Variants in RABGAP1L observed in about 807,000 individuals in gnomAD.
RABGAP1L encodes the protein RAB GTPase activating protein 1 like.
A neutral mutation model predicts 137.7 loss-of-function variants in RABGAP1L; 63 were observed. The ratio of observed to expected loss-of-function variants is 0.46; its 90% CI spans 0.37 to 0.56. The LOEUF (loss-of-function observed/expected upper bound fraction) is 0.56. Ranked by LOEUF, RABGAP1L falls within the 20% of genes least tolerant of loss-of-function variation. RABGAP1L has a pLI of 0.00. For missense variants in RABGAP1L, 1,095 were observed against 1,244.0 expected (o/e 0.88, Z 1.80); for synonymous variants, 431 against 433.7 (o/e 0.99, Z 0.08).
At chr1:174,777,787 T>C (rs1686646543) in intron 18 of RABGAP1L, among the ~76,000 whole-genome samples, 3 of 152,278 alleles carry the variant, frequency 2.0e-5, no homozygotes, top group Admixed American at 2.0e-4. Context: ...AGATGGGACA[T>C]TGCAGAAGAA....
intron 1 of RABGAP1L, among the ~76,000 whole-genome samples, chr1:174,172,051 A>G (rs1665438464): frequency 6.6e-6 from 1 of 152,058 alleles, no homozygotes. Flanking sequence ...TATAAATGAG[A>G]TCATGTAGTG....
Position 174,215,266 on chromosome 1 carries a change from G to T in RABGAP1L, c.-33-3859G>T, listed in dbSNP as rs573208321. Among the ~76,000 whole-genome samples the T allele has an allele frequency of 3.9e-5, 6 of 152,206 alleles. No homozygotes were observed. In the East Asian group the frequency reaches 1.2e-3, roughly 29 times the overall value. On this transcript the variant is annotated intron_variant, in intron 1 of 25. Coordinates refer to ENST00000681986, the MANE Select transcript of RABGAP1L (RefSeq NM_001366446.1). ...GGGGTCAGGAGTTCGAGCCCAGCCTGGCCAACATAGTGAAACCCTGTCTCT... is the reference window on the plus strand; with the variant it reads ...GGGGTCAGGAGTTCGAGCCCAGCCTTGCCAACATAGTGAAACCCTGTCTCT...
chr1:174,957,242 A>T (rs1668626527), intron 19 of RABGAP1L, among the ~76,000 whole-genome samples: 1 of 152,216 alleles, frequency 6.6e-6, no homozygotes, highest in African/African-American at 2.4e-5. Flanking sequence ...AATCTTTGCA[A>T]CTTAGACTAT....
intron 17 of RABGAP1L, among the ~76,000 whole-genome samples, chr1:174,741,558 C>T (rs1683409188): frequency 6.6e-6 from 1 of 151,966 alleles, no homozygotes; most frequent in South Asian, 2.1e-4. Context: ...GATGGGGTCT[C>T]ACTCTGTTGC....
chr1:174,883,982 T>TA (rs1346708290), intron 19 of RABGAP1L, among the ~76,000 whole-genome samples: 1 of 152,168 alleles, frequency 6.6e-6, no homozygotes, highest in African/African-American at 2.4e-5. Context: ...ATGGGAAAGT[T>TA]AGGTTATCAA....
chr1:174,449,150 G>T, intron 13 of RABGAP1L: 1 of 1,611,020 alleles, frequency 6.2e-7, no homozygotes, highest in Non-Finnish European at 8.5e-7. Context: ...GGATCAGGAA[G>T]CACAAGAACC....
intron 13 of RABGAP1L, chr1:174,545,023 G>T (rs573588149): frequency 6.5e-6 from 1 of 153,160 alleles, no homozygotes; most frequent in East Asian, 1.9e-4. Context: ...CTCCTGGGAG[G>T]TGTCTCCCAA....
intron 10 of RABGAP1L, among the ~76,000 whole-genome samples, chr1:174,298,585 G>A (rs1303985601): frequency 6.6e-6 from 1 of 152,146 alleles, no homozygotes; most frequent in Non-Finnish European, 1.5e-5. Flanking sequence ...TGAGTCTGGG[G>A]CAGAAATGTG....
At chr1:174,677,500 AC>A (rs1272781516) in intron 14 of RABGAP1L, among the ~76,000 whole-genome samples, 1 of 152,224 alleles carries the variant, frequency 6.6e-6, no homozygotes, top group Non-Finnish European at 1.5e-5. Flanking sequence ...GCTGGGGTAG[AC>A]CTGCTTTTGC....
chr1:174,946,826 A>T (rs960645430), intron 19 of RABGAP1L, among the ~76,000 whole-genome samples: 3 of 146,006 alleles, frequency 2.1e-5, no homozygotes, highest in Non-Finnish European at 4.5e-5. Flanking sequence ...GCTTGAACTC[A>T]GTGGGCAGAG....
At chr1:174,253,974 C>G (rs1426983809) in intron 7 of RABGAP1L, among the ~76,000 whole-genome samples, 1 of 152,148 alleles carries the variant, frequency 6.6e-6, no homozygotes, top group East Asian at 1.9e-4. Context: ...TTCCCTCTGT[C>G]TTCCCTCCAG....
intron 13 of RABGAP1L, among the ~76,000 whole-genome samples, chr1:174,543,112 G>A (rs559764731): frequency 3.3e-5 from 5 of 152,136 alleles, no homozygotes; most frequent in Non-Finnish European, 5.9e-5. Flanking sequence ...TATTAGATCT[G>A]GTTGGTGCAG....
chr1:174,306,769 C>G (rs1368437985), intron 11 of RABGAP1L, among the ~76,000 whole-genome samples: 1 of 152,014 alleles, frequency 6.6e-6, no homozygotes, highest in African/African-American at 2.4e-5. Context: ...ACTGACCTCA[C>G]AAAAAGCACA....
chr1:174,842,181 G>A (rs751808448), intron 19 of RABGAP1L, among the ~76,000 whole-genome samples: 2 of 152,208 alleles, frequency 1.3e-5, no homozygotes, highest in South Asian at 4.1e-4. Flanking sequence ...CCATTTTTCT[G>A]TTCTTAGCAT....
At chr1:174,168,749 C>G (rs1665114734) in intron 1 of RABGAP1L, among the ~76,000 whole-genome samples, 1 of 152,010 alleles carries the variant, frequency 6.6e-6, no homozygotes, top group African/African-American at 2.4e-5. Flanking sequence ...TATTCAAATC[C>G]TAGGGTGACC....
chr1:174,420,980 C>T (rs1651221342), intron 13 of RABGAP1L, among the ~76,000 whole-genome samples: 1 of 151,950 alleles, frequency 6.6e-6, no homozygotes, highest in South Asian at 2.1e-4. Flanking sequence ...TGGCTGGATT[C>T]AGGTTTTATA....
At chr1:174,801,354 C>T (rs983571542) in intron 18 of RABGAP1L, among the ~76,000 whole-genome samples, 1 of 152,174 alleles carries the variant, frequency 6.6e-6, no homozygotes, top group African/African-American at 2.4e-5. Context: ...AGAGTCTTTT[C>T]AGTACAGTAT....
intron 18 of RABGAP1L, among the ~76,000 whole-genome samples, chr1:174,782,670 A>G (rs1687103332): frequency 2.0e-5 from 3 of 152,144 alleles, no homozygotes; most frequent in Non-Finnish European, 4.4e-5. Context: ...GGTACCGTGG[A>G]TTGAGCTAGT....
chr1:174,626,558 G>C (rs1300057425), intron 13 of RABGAP1L, among the ~76,000 whole-genome samples: 1 of 152,110 alleles, frequency 6.6e-6, no homozygotes, highest in Non-Finnish European at 1.5e-5. Flanking sequence ...TGATTCTGAA[G>C]TGTTTGGCAG....
Sources: allele counts gnomAD v4.1 joint callset (sites outside exome capture counted in the v4.1 genomes callset), GRCh38; gene constraint gnomAD v4.1.1; transcripts MANE v1.5; gene names NCBI Gene and HGNC (gene_info 2026-07-23, HGNC 2026-07-21).